Variants in TRA2B observed in about 807,000 individuals in gnomAD.
TRA2B encodes transformer-2 protein homolog beta.
In TRA2B, 14 loss-of-function variants were observed where a neutral mutation model predicts 41.7. That is an observed-to-expected ratio of 0.34 (90% CI 0.22 to 0.53). The LOEUF is 0.53. Among genes scored for constraint, TRA2B ranks in the 20% least tolerant of loss-of-function variants. The pLI is 0.95. For missense variants in TRA2B, 167 were observed against 396.8 expected (o/e 0.42, Z 4.92); for synonymous variants, 130 against 128.8 (o/e 1.01, Z -0.06).
At position 185,935,079 on chromosome 3, in the gene TRA2B, T is replaced by C. The variant is rs185349622; in HGVS notation, c.36+2746A>G. On this transcript the variant is annotated intron_variant, in intron 1 of 8. Transcript: ENST00000453386. ...CACACAACCTATACGCTGTGACCAT[T>C]ATTGGGCTCTAAAGATTACCCTGCA... 5.2e-5 allele frequency: 51 copies of C among 985,424 alleles called. No individual in the cohort carries two copies. In the African/African-American group the frequency reaches 7.5e-4, roughly 14 times the overall value. 61.0% of individuals were successfully genotyped at this position (985,424 alleles called of 1,614,324 possible). A position where few individuals can be genotyped will look rare whatever the true frequency, so the allele number is the denominator to read the frequency against.
At position 185,935,033 on chromosome 3, in the gene TRA2B, G is replaced by T. The variant is rs962067093; in HGVS notation, c.36+2792C>A. On this transcript the variant is annotated intron_variant, in intron 1 of 8. Transcript: ENST00000453386. The stretch of plus-strand genomic sequence containing the variant: ...AGAGGCTCAGAACATTACACTGCGT[G>T]CAAGACCAACATACAAATCTCACAC... 97 of 985,410 alleles carry T rather than the reference G, an allele frequency of 9.8e-5. No individual in the cohort carries two copies. The African/African-American group carries it at 1.4e-3, about 15-fold the overall frequency. 61.0% of individuals were successfully genotyped at this position (985,410 alleles called of 1,614,324 possible).
intron 4 of TRA2B, 126 bp from the exon 5 acceptor site, chr3:185,922,252 C>G (rs1378832582): frequency 1.1e-5 from 6 of 567,452 alleles, no homozygotes; most frequent in Non-Finnish European, 1.5e-5. Flanking sequence ...TTAGCCAGAA[C>G]GTAAGGTCTA....
intron 1 of TRA2B, chr3:185,934,796 T>C: frequency 3.0e-6 from 3 of 985,454 alleles, no homozygotes; most frequent in Non-Finnish European, 3.6e-6. Flanking sequence ...TTTGATGGGT[T>C]GGTGTCCAGA....
chr3:185,917,744 A>G lies in TRA2B; in HGVS notation c.857-19T>C, dbSNP rs375889865. ...TAGCGACCTGGGAAGAAAAGAATGA[A>G]CATGCTTTAATATTAAGTGAACTAA... On this transcript the variant is annotated intron_variant, in intron 8 of 8. Coordinates refer to ENST00000453386, the MANE Select transcript of TRA2B (RefSeq NM_004593.3). 21 of 1,610,982 alleles carry G rather than the reference A, an allele frequency of 1.3e-5. No homozygotes were observed. The African/African-American group carries it at 2.5e-4, about 19-fold the overall frequency.
chr3:185,924,139 T>C (rs1037401159), intron 3 of TRA2B, 155 bp from the exon 4 acceptor site: 4 of 551,884 alleles, frequency 7.2e-6, no homozygotes, highest in Non-Finnish European at 8.6e-6. Flanking sequence ...TTACAGCAAG[T>C]ACTACAAGTA....
In TRA2B at chr3:185,921,190, A is replaced by T. The variant is rs200074184; in HGVS notation, c.639-3T>A. The T allele has an allele frequency of 6.2e-7, 1 of 1,613,884 alleles. No individual in the cohort carries two copies. Among genetic ancestry groups the T allele is most frequent in the Non-Finnish European group, 8.5e-7 (1 of 1,179,970 alleles). On this transcript the variant is annotated splice_polypyrimidine_tract_variant and splice_region_variant and intron_variant, in intron 5 of 8. Coordinates refer to ENST00000453386, the MANE Select transcript of TRA2B (RefSeq NM_004593.3). ...AATCCCGACGGCGAGAGCTGCCACT[A>T]TGAAGAAAAAAATATTCAGGTGACC...
At chr3:185,925,826 G>C (rs1743925787) in intron 2 of TRA2B, among the ~76,000 whole-genome samples, 200 bp from the exon 3 acceptor site, 1 of 152,116 alleles carries the variant, frequency 6.6e-6, no homozygotes, top group South Asian at 2.1e-4. Context: ...AAAACCACAA[G>C]CTCTCCTCCA....
chr3:185,934,830 A>G (rs1291513170), intron 1 of TRA2B: 13 of 985,342 alleles, frequency 1.3e-5, no homozygotes, highest in Non-Finnish European at 1.4e-5. Context: ...CTCTAATGAT[A>G]AAGATTACGT....
rs545177132 is a variant in TRA2B at position 185,919,561 on chromosome 3, C to T, written c.723-65G>A. 15 of 1,379,882 alleles carry T rather than the reference C, an allele frequency of 1.1e-5. No individual in the cohort carries two copies. In the South Asian group the frequency reaches 1.3e-4, roughly 12 times the overall value. 85.5% of individuals were successfully genotyped at this position (1,379,882 alleles called of 1,614,324 possible). On this transcript the variant is annotated intron_variant, in intron 6 of 8. Transcript: ENST00000453386. The stretch of plus-strand genomic sequence containing the variant: ...GTAAGTTTTAAAAAATTATGTCATT[C>T]ATTTAGTAAAATAAAAACTTTCATA...
rs1744437342 is a variant in TRA2B, at chr3:185,937,955, C to T, written c.-95G>A. 1 of 1,487,996 alleles carries T rather than the reference C, an allele frequency of 6.7e-7. No individual in the cohort carries two copies. Among genetic ancestry groups the T allele is most frequent in the Non-Finnish European group, 9.2e-7 (1 of 1,084,800 alleles). The allele number at this position is 1,487,996 out of a possible 1,614,324, so 92.2% of individuals were successfully genotyped here. A position where few individuals can be genotyped will look rare whatever the true frequency, so the allele number is the denominator to read the frequency against. Reference sequence around the variant, plus strand: ...GAGGCTCCGCCGCAGCCCCGCACGACGCGCCGGTCGCCCAGCCGCTCAGAG... The same window carrying T: ...GAGGCTCCGCCGCAGCCCCGCACGATGCGCCGGTCGCCCAGCCGCTCAGAG... On this transcript the variant is annotated 5_prime_UTR_variant, in exon 1 of 9. Transcript: ENST00000453386.
In TRA2B at chr3:185,920,150, TACCC is replaced by T. The variant is rs545541697; in HGVS notation, c.723-658_723-655del. Among the ~76,000 whole-genome samples the T allele has an allele frequency of 3.8e-3, 584 of 152,342 alleles. 4 individuals are homozygous for T. The highest frequency in any genetic ancestry group is 0.013 in the African/African-American group (558 of 41,578). On this transcript the variant is annotated intron_variant, in intron 6 of 8. Coordinates refer to ENST00000453386, the MANE Select transcript of TRA2B (RefSeq NM_004593.3). ...TTTTTGGCAAAAATAAAAAGCCACA[TACCC>T]TTGTCATACTAAATTAACATCTTTA...
intron 8 of TRA2B, 116 bp downstream of exon 8, chr3:185,918,249 A>C (rs1468127599): frequency 2.9e-6 from 2 of 693,882 alleles, no homozygotes; most frequent in Non-Finnish European, 4.8e-6. Context: ...GGATGTGTGG[A>C]GAATCATTAG....
chr3:185,916,511 A>T lies in TRA2B; in HGVS notation c.*1204T>A, dbSNP rs988585152. The stretch of plus-strand genomic sequence containing the variant: ...AAATAATAAGAACATGTATTAAAGT[A>T]CCCGCAGTCTAGTTATTTACTGTAA... On this transcript the variant is annotated 3_prime_UTR_variant, in exon 9 of 9. Coordinates refer to ENST00000453386, the MANE Select transcript of TRA2B (RefSeq NM_004593.3). 6.6e-6 allele frequency: 1 copy of T among 152,222 alleles called. No individual in the cohort carries two copies. The highest frequency in any genetic ancestry group is 1.5e-5 in the Non-Finnish European group (1 of 68,034). The allele number at this position is 152,222 out of a possible 1,614,324, so 9.4% of individuals were successfully genotyped here. A position where few individuals can be genotyped will look rare whatever the true frequency, so the allele number is the denominator to read the frequency against.
chr3:185,935,535 A>G, intron 1 of TRA2B: 1 of 985,448 alleles, frequency 1.0e-6, no homozygotes, highest in Non-Finnish European at 1.2e-6. Flanking sequence ...TGGGGCACAG[A>G]GGGGTGGGGT....
rs1743528163 is a variant in TRA2B, at chr3:185,917,073, C to T, written c.*642G>A. On this transcript the variant is annotated 3_prime_UTR_variant, in exon 9 of 9. Transcript: ENST00000453386. ...ATACACTGTGTAACTCTTCGTATTT[C>T]CTGCTATACATATTACAGATTACAT... is the stretch of plus-strand genomic sequence containing the variant. 1.3e-5 allele frequency: 2 copies of T among 152,254 alleles called. No homozygotes were observed. Among genetic ancestry groups the T allele is most frequent in the Non-Finnish European group, 2.9e-5 (2 of 68,030 alleles). 9.4% of individuals were successfully genotyped at this position (152,254 alleles called of 1,614,324 possible). A position where few individuals can be genotyped will look rare whatever the true frequency, so the allele number is the denominator to read the frequency against.
At chr3:185,919,192 G>GACTA (rs199635573) in intron 7 of TRA2B, among the ~76,000 whole-genome samples, 11 of 86,942 alleles carry the variant, frequency 1.3e-4, no homozygotes, top group African/African-American at 6.9e-4. Flanking sequence ...AGTTATCAGT[G>GACTA]ACTAACATCA....
chr3:185,918,294 T>C, intron 8 of TRA2B, 71 bp downstream of exon 8: 2 of 1,109,548 alleles, frequency 1.8e-6, no homozygotes, highest in Non-Finnish European at 1.3e-6. Context: ...CATTATCTGA[T>C]AAAGGGAATA....
chr3:185,935,536 G>C (rs1422571269), intron 1 of TRA2B: 1 of 985,478 alleles, frequency 1.0e-6, no homozygotes, highest in South Asian at 4.7e-5. Flanking sequence ...GGGGCACAGA[G>C]GGGTGGGGTT....
At chr3:185,921,245 T>A in intron 5 of TRA2B, 58 bp from the exon 6 acceptor site, 1 of 1,440,240 alleles carries the variant, frequency 6.9e-7, no homozygotes, top group Non-Finnish European at 9.8e-7. Flanking sequence ...TGAGTTTTTA[T>A]ATCTACTAGT....
Sources: gnomAD v4.1 joint callset for allele counts (sites outside exome capture counted in the v4.1 genomes callset) on GRCh38, gnomAD v4.1.1 for gene constraint, MANE v1.5 for transcripts, NCBI Gene and HGNC (gene_info 2026-07-23, HGNC 2026-07-21) for gene names.